Variants in CDS2 observed in about 807,000 individuals in gnomAD.
The protein encoded by CDS2 is phosphatidate cytidylyltransferase 2.
In CDS2, 47 loss-of-function variants were observed where a neutral mutation model predicts 59.0. That is an observed-to-expected ratio of 0.80 (90% confidence interval 0.63 to 1.02). The LOEUF (loss-of-function observed/expected upper bound fraction) is 1.02. Among genes scored for constraint, CDS2 ranks in the 50% least tolerant of loss-of-function variants. The pLI, the probability that CDS2 is intolerant of heterozygous loss-of-function variation, is 0.00. For synonymous variants in CDS2, 207 were observed against 206.4 expected, an observed-to-expected ratio of 1.00 and a Z score of -0.02; for missense variants, 356 against 558.9, an observed-to-expected ratio of 0.64 and a Z score of 3.66.
At chr20:5,129,455 T>C (rs991702570) in intron 1 of CDS2, among the ~76,000 whole-genome samples, 2 of 151,782 alleles carry the variant, frequency 1.3e-5, no homozygotes, top group African/African-American at 4.8e-5. Flanking sequence ...TTTTTTTTTT[T>C]TTTTTGAGAG....
intron 7 of CDS2, 59 bp downstream of exon 7, chr20:5,183,202 A>G: frequency 7.1e-7 from 1 of 1,415,352 alleles, no homozygotes; most frequent in Middle Eastern, 1.8e-4. Context: ...GTGTACAGAT[A>G]CCCCCCTCTA....
intron 1 of CDS2, among the ~76,000 whole-genome samples, chr20:5,145,822 G>GGTTTTTTTTTTTTTTTTTTTTTTTTT (rs773575866): frequency 7.7e-6 from 1 of 129,254 alleles, no homozygotes; most frequent in Non-Finnish European, 1.6e-5. Context: ...TGCTTTTTGT[G>GGTTTTTTTTTTTTTTTTTTTTTTTTT]TTTTTTTTTT....
At chr20:5,177,133 CTG>C (rs2091000498) in intron 4 of CDS2, among the ~76,000 whole-genome samples, 2 of 152,140 alleles carry the variant, frequency 1.3e-5, no homozygotes, top group South Asian at 4.1e-4. Flanking sequence ...CATTCTGTGA[CTG>C]TGTTTGCCTC....
intron 1 of CDS2, among the ~76,000 whole-genome samples, chr20:5,145,239 C>CCCG (rs1381320422): frequency 1.1e-5 from 1 of 87,768 alleles, no homozygotes; most frequent in Non-Finnish European, 2.2e-5. Flanking sequence ...AGGAAAGACC[C>CCCG]CCCCCCCCGC....
At chr20:5,154,547 G>T (rs943503610) in intron 1 of CDS2, among the ~76,000 whole-genome samples, 9 of 152,184 alleles carry the variant, frequency 5.9e-5, no homozygotes, top group Admixed American at 2.0e-4. Context: ...GAATAAAACT[G>T]GTTTTTCTTA....
chr20:5,188,593 G>A (rs1282427764), intron 10 of CDS2, among the ~76,000 whole-genome samples: 2 of 152,080 alleles, frequency 1.3e-5, no homozygotes, highest in Non-Finnish European at 2.9e-5. Flanking sequence ...AAAGAGTTAC[G>A]AGGTTGGATG....
rs1411459495 is a variant in CDS2 at position 5,194,739 on chromosome 20, A to G, written c.*4505A>G. On this transcript the variant is annotated 3_prime_UTR_variant, in exon 13 of 13. Coordinates refer to ENST00000460006, the MANE Select transcript of CDS2 (RefSeq NM_003818.4). ...TGGGTTTCAAATTTGTTGGCTGTTT[A>G]AAGACCCTGTCTCCTCCCCCACCCT... 1 of 152,104 alleles carries G rather than the reference A, an allele frequency of 6.6e-6. No homozygotes were observed. 9.4% of individuals were successfully genotyped at this position (152,104 alleles called of 1,614,324 possible). A position where few individuals can be genotyped will look rare whatever the true frequency, so the allele number is the denominator to read the frequency against.
At chr20:5,167,298 T>A (rs946128389) in intron 1 of CDS2, among the ~76,000 whole-genome samples, 1 of 152,202 alleles carries the variant, frequency 6.6e-6, no homozygotes, top group Admixed American at 6.5e-5. Flanking sequence ...GCTGTCCATC[T>A]GGGTAGCTGA....
intron 1 of CDS2, among the ~76,000 whole-genome samples, chr20:5,136,039 T>G (rs540345600): frequency 6.6e-6 from 1 of 152,310 alleles, no homozygotes; most frequent in Non-Finnish European, 1.5e-5. Context: ...GCTGAGGTTT[T>G]GAGAGTTCCT....
At chr20:5,141,537 C>G (rs929457126) in intron 1 of CDS2, among the ~76,000 whole-genome samples, 6 of 152,132 alleles carry the variant, frequency 3.9e-5, no homozygotes, top group Admixed American at 6.5e-5. Flanking sequence ...TCTTCCAGAC[C>G]TCTCCCTATA....
intron 1 of CDS2, among the ~76,000 whole-genome samples, chr20:5,154,343 C>CACT (rs1309776573): frequency 6.6e-6 from 1 of 152,168 alleles, no homozygotes; most frequent in African/African-American, 2.4e-5. Flanking sequence ...CTGGGTTCAC[C>CACT]ACCCTTGGTA....
chr20:5,139,944 C>T (rs1464379291), intron 1 of CDS2, among the ~76,000 whole-genome samples: 5 of 152,034 alleles, frequency 3.3e-5, no homozygotes, highest in Admixed American at 6.6e-5. Flanking sequence ...GGATTACAGG[C>T]GCCTGCCACC....
chr20:5,132,281 A>G (rs1473000185), intron 1 of CDS2, among the ~76,000 whole-genome samples: 1 of 152,142 alleles, frequency 6.6e-6, no homozygotes, highest in African/African-American at 2.4e-5. Context: ...TATTTTTAGT[A>G]GAGACAAAGT....
At chr20:5,156,840 A>T (rs1359179829) in intron 1 of CDS2, among the ~76,000 whole-genome samples, 1 of 152,176 alleles carries the variant, frequency 6.6e-6, no homozygotes, top group Non-Finnish European at 1.5e-5. Context: ...CCAGCAGGTG[A>T]AAGTCCCATG....
intron 1 of CDS2, among the ~76,000 whole-genome samples, chr20:5,142,519 A>G (rs1242848989): frequency 6.6e-6 from 1 of 152,226 alleles, no homozygotes; most frequent in East Asian, 1.9e-4. Context: ...ACTGCAATAA[A>G]GAGAAAGAAT....
In CDS2 at chr20:5,182,663, C is replaced by T. The variant is rs544564430; in HGVS notation, c.588+218C>T. Among the ~76,000 whole-genome samples, 3 of 152,314 alleles carry T rather than the reference C, an allele frequency of 2.0e-5. No individual in the cohort carries two copies. The South Asian group carries it at 6.2e-4, about 32-fold the overall frequency. ...GTTACTTACACCTTAAGCAGCCTCT[C>T]CACTAGGACCCTGAGGTGGGCTCCA... On this transcript the variant is annotated intron_variant, in intron 6 of 12. Coordinates refer to ENST00000460006, the MANE Select transcript of CDS2 (RefSeq NM_003818.4).
At chr20:5,171,575 T>C (rs1004502925) in intron 1 of CDS2, among the ~76,000 whole-genome samples, 2 of 152,210 alleles carry the variant, frequency 1.3e-5, no homozygotes, top group Admixed American at 6.5e-5. Context: ...TGGGTGTCAA[T>C]GTTGAAATAA....
chr20:5,141,807 C>G (rs2090696463), intron 1 of CDS2, among the ~76,000 whole-genome samples: 1 of 152,128 alleles, frequency 6.6e-6, no homozygotes, highest in African/African-American at 2.4e-5. Context: ...TACCCAGCTA[C>G]TGTCCGCTGC....
chr20:5,141,999 G>GATAT (rs2122971051), intron 1 of CDS2, among the ~76,000 whole-genome samples: 1 of 152,304 alleles, frequency 6.6e-6, no homozygotes, highest in South Asian at 2.1e-4. Flanking sequence ...GATAGAGATA[G>GATAT]ATATGAAAGG....
Sources: allele counts gnomAD v4.1 joint callset (sites outside exome capture counted in the v4.1 genomes callset), GRCh38; gene constraint gnomAD v4.1.1; transcripts MANE v1.5; gene names NCBI Gene and HGNC (gene_info 2026-07-23, HGNC 2026-07-21).